Variants in MDGA2 observed in about 807,000 individuals in gnomAD.
The protein encoded by MDGA2 is MAM domain containing glycosylphosphatidylinositol anchor 2, also known as MAM domain-containing glycosylphosphatidylinositol anchor protein 2.
A neutral mutation model predicts 117.8 loss-of-function variants in MDGA2; 40 were observed. The ratio of observed to expected loss-of-function variants is 0.34; its 90% CI spans 0.26 to 0.44. MDGA2 has a LOEUF of 0.44. MDGA2 is among the 20% of genes least tolerant of loss of function. The pLI is 1.00. For missense variants in MDGA2, 1,123 were observed against 1,250.6 expected (o/e 0.90, Z 1.54); for synonymous variants, 452 against 439.0 (o/e 1.03, Z -0.37).
At chr14:46,989,911 C>A (rs1286413091) in intron 8 of MDGA2, among the ~76,000 whole-genome samples, 1 of 152,092 alleles carries the variant, frequency 6.6e-6, no homozygotes, top group Non-Finnish European at 1.5e-5. Context: ...GTACTAGTAT[C>A]CCAGCATTCA....
Position 47,529,132 on chromosome 14 carries a change from G to A in MDGA2, c.280+145385C>T, listed in dbSNP as rs955481704. On this transcript the variant is annotated intron_variant, in intron 1 of 16. Coordinates refer to ENST00000399232, the MANE Select transcript of MDGA2 (RefSeq NM_001113498.3). ...TCCTGTCTCAGCCTCCTGAGTAGCT[G>A]GGACTACAGATGCCCGCCACCACAC... Among the ~76,000 whole-genome samples, 5 of 151,818 alleles carry A rather than the reference G, an allele frequency of 3.3e-5. No homozygotes were observed. In the South Asian group the frequency reaches 8.3e-4, roughly 25 times the overall value.
chr14:47,001,540 A>C (rs1379420382), intron 8 of MDGA2, among the ~76,000 whole-genome samples: 1 of 152,128 alleles, frequency 6.6e-6, no homozygotes, highest in East Asian at 1.9e-4. Context: ...CATATAGGAA[A>C]AGAAAGAGAC....
At chr14:47,324,544 ACT>A (rs1385869960) in intron 1 of MDGA2, among the ~76,000 whole-genome samples, 1 of 152,148 alleles carries the variant, frequency 6.6e-6, no homozygotes, top group South Asian at 2.1e-4. Flanking sequence ...GAGCCAACTC[ACT>A]GTTTTATCAA....
chr14:47,355,250 C>T (rs1458936534), intron 1 of MDGA2, among the ~76,000 whole-genome samples: 1 of 152,126 alleles, frequency 6.6e-6, no homozygotes, highest in African/African-American at 2.4e-5. Flanking sequence ...ATGATCAGCC[C>T]TGAATGAGGA....
At chr14:47,086,114 G>GTT (rs1890889449) in intron 6 of MDGA2, among the ~76,000 whole-genome samples, 32 of 120,472 alleles carry the variant, frequency 2.7e-4, no homozygotes, top group Admixed American at 1.7e-3. Context: ...TTTGTTTTTT[G>GTT]TTTTTTGTTT....
intron 10 of MDGA2, among the ~76,000 whole-genome samples, chr14:46,899,295 CTT>C (rs986479365): frequency 4.6e-5 from 7 of 151,912 alleles, no homozygotes; most frequent in African/African-American, 1.7e-4. Flanking sequence ...GTGAAGGAGT[CTT>C]TTCAAAGCAG....
intron 1 of MDGA2, among the ~76,000 whole-genome samples, chr14:47,515,047 A>C (rs1041034546): frequency 1.3e-5 from 2 of 152,166 alleles, no homozygotes; most frequent in African/African-American, 4.8e-5. Flanking sequence ...TTTTCTTATA[A>C]ACTTTACTGA....
At chr14:47,636,204 C>T (rs1258860939) in intron 1 of MDGA2, among the ~76,000 whole-genome samples, 6 of 152,058 alleles carry the variant, frequency 3.9e-5, no homozygotes, top group Non-Finnish European at 8.8e-5. Context: ...CTCAAAAACT[C>T]CTAAAACACA....
At chr14:47,107,468 A>C (rs943593694) in intron 5 of MDGA2, among the ~76,000 whole-genome samples, 7 of 151,996 alleles carry the variant, frequency 4.6e-5, no homozygotes, top group Non-Finnish European at 5.9e-5. Flanking sequence ...TTGCACCCTT[A>C]ATCCCAGGCT....
At position 47,320,019 on chromosome 14, in the gene MDGA2, C is replaced by T. The variant is rs552408468; in HGVS notation, c.281-18469G>A. On this transcript the variant is annotated intron_variant, in intron 1 of 16. Coordinates refer to ENST00000399232, the MANE Select transcript of MDGA2 (RefSeq NM_001113498.3). ...TGCCATATAAGCATTAAAGCAGAGA[C>T]GGATGCGTTGCATCTCCAAGGACCA... Among the ~76,000 whole-genome samples, 8 of 152,226 alleles carry T rather than the reference C, an allele frequency of 5.3e-5. No individual in the cohort carries two copies. The East Asian group carries it at 9.7e-4, about 18-fold the overall frequency.
chr14:47,185,818 T>G (rs1884888837), intron 3 of MDGA2, among the ~76,000 whole-genome samples: 1 of 151,620 alleles, frequency 6.6e-6, no homozygotes, highest in Non-Finnish European at 1.5e-5. Flanking sequence ...ACAGAAATAC[T>G]GGTAAAATTT....
chr14:47,201,217 C>G (rs1885495702), intron 3 of MDGA2: 16 of 526,290 alleles, frequency 3.0e-5, no homozygotes, highest in South Asian at 2.6e-4. Flanking sequence ...TAACCCCTCT[C>G]TCTTACATGA....
chr14:46,860,628 A>C (rs1441763773), intron 14 of MDGA2, among the ~76,000 whole-genome samples: 2 of 151,954 alleles, frequency 1.3e-5, no homozygotes, highest in African/African-American at 2.4e-5. Context: ...TCTTCCACAG[A>C]ACTGACTTTA....
chr14:47,114,108 A>G (rs1157395243), intron 5 of MDGA2, among the ~76,000 whole-genome samples: 1 of 152,018 alleles, frequency 6.6e-6, no homozygotes, highest in Non-Finnish European at 1.5e-5. Context: ...TCCTATACAG[A>G]AACAGTAGAC....
chr14:47,627,903 G>A (rs8010038), intron 1 of MDGA2, among the ~76,000 whole-genome samples: 6,902 of 152,212 alleles, frequency 0.045, 144 homozygotes, highest in Middle Eastern at 0.068. Context: ...AAGAAACTCC[G>A]CACACATCCG....
chr14:47,276,265 T>G (rs1888308669), intron 2 of MDGA2, among the ~76,000 whole-genome samples: 1 of 152,128 alleles, frequency 6.6e-6, no homozygotes, highest in South Asian at 2.1e-4. Flanking sequence ...GGAACCTCCT[T>G]AGATGAATGA....
chr14:46,892,018 G>A (rs918440099), intron 10 of MDGA2, among the ~76,000 whole-genome samples: 15 of 151,690 alleles, frequency 9.9e-5, no homozygotes, highest in Non-Finnish European at 1.8e-4. Flanking sequence ...GTGGGGAAAT[G>A]AGCCTCTAAT....
intron 1 of MDGA2, among the ~76,000 whole-genome samples, chr14:47,636,238 G>A (rs753039050): frequency 4.1e-4 from 63 of 152,032 alleles, no homozygotes; most frequent in Admixed American, 2.6e-3. Flanking sequence ...GGTATAACTT[G>A]AATTTAAGCA....
At chr14:46,915,405 A>C (rs2087886448) in intron 10 of MDGA2, among the ~76,000 whole-genome samples, 1 of 152,188 alleles carries the variant, frequency 6.6e-6, no homozygotes, top group East Asian at 1.9e-4. Flanking sequence ...CATCCTATGC[A>C]TGTAAGAAAA....
Sources: gnomAD v4.1 joint callset for allele counts (sites outside exome capture counted in the v4.1 genomes callset) on GRCh38, gnomAD v4.1.1 for gene constraint, MANE v1.5 for transcripts, NCBI Gene and HGNC (gene_info 2026-07-23, HGNC 2026-07-21) for gene names.